GNAQ: variants seen among roughly 807,000 people sequenced by gnomAD.
GNAQ encodes guanine nucleotide-binding protein G(q) subunit alpha.
A neutral mutation model predicts 43.9 loss-of-function variants in GNAQ; 8 were observed. The ratio of observed to expected loss-of-function variants is 0.18; its 90% CI spans 0.11 to 0.33. The LOEUF is 0.33. Among genes scored for constraint, GNAQ ranks in the 10% least tolerant of loss-of-function variants. The pLI, the probability that GNAQ is intolerant of heterozygous loss-of-function variation, is 1.00. For missense variants in GNAQ, 158 were observed against 450.8 expected, an observed-to-expected ratio of 0.35 and a Z score of 5.88; for synonymous variants, 155 against 170.7, an observed-to-expected ratio of 0.91 and a Z score of 0.71.
intron 1 of GNAQ, among the ~76,000 whole-genome samples, chr9:78,025,522 G>T (rs1321439316): frequency 6.6e-5 from 10 of 152,090 alleles, no homozygotes; most frequent in Non-Finnish European, 1.5e-4. Context: ...AACTTAAAAG[G>T]CATTACAAAA....
intron 2 of GNAQ, among the ~76,000 whole-genome samples, chr9:77,893,328 T>C (rs1421100221): frequency 6.6e-6 from 1 of 152,144 alleles, no homozygotes; most frequent in East Asian, 1.9e-4. Context: ...TATCACACAT[T>C]AGCATGCTAA....
intron 2 of GNAQ, among the ~76,000 whole-genome samples, chr9:77,896,966 T>C (rs931759988): frequency 6.6e-6 from 1 of 151,802 alleles, no homozygotes; most frequent in African/African-American, 2.4e-5. Flanking sequence ...CCTCCAGAAG[T>C]TATCTACACT....
intron 2 of GNAQ, among the ~76,000 whole-genome samples, chr9:77,898,485 T>C (rs1031880703): frequency 1.3e-5 from 2 of 152,224 alleles, no homozygotes; most frequent in Admixed American, 1.3e-4. Flanking sequence ...GACTTGCTTG[T>C]AACCCAGCTA....
chr9:77,731,940 T>C (rs1825497264), intron 5 of GNAQ, among the ~76,000 whole-genome samples: 1 of 152,218 alleles, frequency 6.6e-6, no homozygotes, highest in African/African-American at 2.4e-5. Context: ...TTTTCCATAG[T>C]AAAAATTCCT....
intron 1 of GNAQ, among the ~76,000 whole-genome samples, chr9:77,987,764 C>T (rs566850848): frequency 1.6e-4 from 24 of 152,258 alleles, no homozygotes; most frequent in African/African-American, 5.3e-4. Context: ...GGCACAGTGG[C>T]ATCCACCTGC....
intron 3 of GNAQ, among the ~76,000 whole-genome samples, chr9:77,808,745 C>T (rs534960609): frequency 3.3e-5 from 5 of 152,104 alleles, no homozygotes; most frequent in African/African-American, 4.8e-5. Context: ...AGGAAAGTGA[C>T]GCTTAGTCAA....
intron 1 of GNAQ, among the ~76,000 whole-genome samples, chr9:77,976,942 T>C (rs1321362286): frequency 6.6e-6 from 1 of 152,100 alleles, no homozygotes; most frequent in African/African-American, 2.4e-5. Context: ...CCTGCCTGAA[T>C]CCCAAAGGCA....
chr9:77,885,301 C>G (rs1462505325), intron 2 of GNAQ, among the ~76,000 whole-genome samples: 1 of 152,102 alleles, frequency 6.6e-6, no homozygotes, highest in African/African-American at 2.4e-5. Context: ...AAGGCTGAGA[C>G]CAGCCAGGCA....
intron 5 of GNAQ, among the ~76,000 whole-genome samples, chr9:77,760,834 A>C (rs1039947490): frequency 7.7e-6 from 1 of 130,364 alleles, no homozygotes; most frequent in Non-Finnish European, 1.6e-5. Context: ...ATCGTCTGAG[A>C]TGTGGGGAGT....
At chr9:77,943,239 T>C (rs1374824305) in intron 1 of GNAQ, among the ~76,000 whole-genome samples, 2 of 152,206 alleles carry the variant, frequency 1.3e-5, no homozygotes, top group Non-Finnish European at 2.9e-5. Context: ...GGGTTTTGGT[T>C]CCTGAGTCAA....
At chr9:77,764,639 T>TA (rs1042975008) in intron 5 of GNAQ, among the ~76,000 whole-genome samples, 3 of 152,064 alleles carry the variant, frequency 2.0e-5, no homozygotes, top group African/African-American at 7.2e-5. Flanking sequence ...GTATTTTTAG[T>TA]AGAGACGGGG....
rs1825270155 is a variant in GNAQ, at chr9:77,719,099, C to CT, written c.*2223dup. ...TTTATACAGCACGACGCTAGTACCGCTCTGTATGACAGTAAGGTTTTTTTT... is the reference window on the plus strand; with the variant it reads ...TTTATACAGCACGACGCTAGTACCGCTTCTGTATGACAGTAAGGTTTTTTTT... On this transcript the variant is annotated 3_prime_UTR_variant, in exon 7 of 7. Transcript: ENST00000286548. 4.3e-6 allele frequency: 1 copy of CT among 231,240 alleles called. No homozygotes were observed. Among genetic ancestry groups the CT allele is most frequent in the Non-Finnish European group, 8.5e-6 (1 of 117,290 alleles). The allele number at this position is 231,240 out of a possible 1,614,324, so 14.3% of individuals were successfully genotyped here. A position where few individuals can be genotyped will look rare whatever the true frequency, so the allele number is the denominator to read the frequency against.
intron 2 of GNAQ, among the ~76,000 whole-genome samples, chr9:77,871,318 TC>T (rs1828035836): frequency 6.6e-6 from 1 of 152,138 alleles, no homozygotes; most frequent in South Asian, 2.1e-4. Flanking sequence ...CTGAACTCTT[TC>T]CAAATCACAA....
At chr9:77,838,298 C>A (rs566342501) in intron 2 of GNAQ, among the ~76,000 whole-genome samples, 1 of 151,722 alleles carries the variant, frequency 6.6e-6, no homozygotes, top group East Asian at 1.9e-4. Context: ...CACGCACCAC[C>A]ACGCCCAGCT....
chr9:77,749,659 T>A (rs1825781878), intron 5 of GNAQ, among the ~76,000 whole-genome samples: 2 of 152,174 alleles, frequency 1.3e-5, no homozygotes, highest in Non-Finnish European at 2.9e-5. Flanking sequence ...TTCTCTAAAA[T>A]AATGTTTTCA....
chr9:77,883,105 G>A (rs1464199664), intron 2 of GNAQ, among the ~76,000 whole-genome samples: 2 of 152,188 alleles, frequency 1.3e-5, no homozygotes, highest in African/African-American at 4.8e-5. Flanking sequence ...AATTGTTTAA[G>A]TTACGGGGAA....
intron 5 of GNAQ, 88 bp downstream of exon 5, chr9:77,794,375 T>C (rs2118441838): frequency 1.1e-6 from 1 of 870,106 alleles, no homozygotes; most frequent in Admixed American, 2.7e-5. Flanking sequence ...AGAAGTAAGT[T>C]CACTCCATTC....
chr9:78,006,339 C>T (rs1342594892), intron 1 of GNAQ, among the ~76,000 whole-genome samples: 2 of 152,084 alleles, frequency 1.3e-5, no homozygotes, highest in Non-Finnish European at 2.9e-5. Context: ...TGCCCCCTGC[C>T]CCATAAGATC....
At chr9:77,925,227 G>C (rs1186767045) in intron 1 of GNAQ, among the ~76,000 whole-genome samples, 3 of 152,122 alleles carry the variant, frequency 2.0e-5, no homozygotes, top group Non-Finnish European at 2.9e-5. Flanking sequence ...GCTCTGACTA[G>C]CACAAATACC....
Sources: gnomAD v4.1 joint callset for allele counts (sites outside exome capture counted in the v4.1 genomes callset) on GRCh38, gnomAD v4.1.1 for gene constraint, MANE v1.5 for transcripts, NCBI Gene and HGNC (gene_info 2026-07-23, HGNC 2026-07-21) for gene names.